The following CNTNAP2 variants were observed in gnomAD, a reference collection of about 807,000 sequenced individuals.
CNTNAP2 encodes contactin-associated protein-like 2.
CNTNAP2 carries 98 observed loss-of-function variants against 155.2 expected under a neutral mutation model. The ratio of observed to expected loss-of-function variants is 0.63; its 90% CI spans 0.54 to 0.75. CNTNAP2 has a LOEUF of 0.75. CNTNAP2 is among the 30% of genes least tolerant of loss of function. CNTNAP2 has a pLI of 0.00. For missense variants in CNTNAP2, 1,727 were observed against 1,688.1 expected (o/e 1.02, Z -0.40); for synonymous variants, 651 against 631.2 (o/e 1.03, Z -0.47).
chr7:147,355,678 G>A (rs1053571667), intron 9 of CNTNAP2, among the ~76,000 whole-genome samples: 3 of 152,148 alleles, frequency 2.0e-5, no homozygotes, highest in African/African-American at 4.8e-5. Context: ...AAATAAACTA[G>A]AAAATCTAGA....
chr7:148,134,296 G>A (rs1804892100), intron 16 of CNTNAP2, among the ~76,000 whole-genome samples: 1 of 152,154 alleles, frequency 6.6e-6, no homozygotes, highest in African/African-American at 2.4e-5. Context: ...TGTAACCAGA[G>A]CCAGTGAATA....
At chr7:146,651,796 C>T (rs1404045522) in intron 1 of CNTNAP2, among the ~76,000 whole-genome samples, 1 of 152,060 alleles carries the variant, frequency 6.6e-6, no homozygotes, top group East Asian at 1.9e-4. Context: ...GTCACCAATG[C>T]TATATATTAT....
intron 19 of CNTNAP2, among the ~76,000 whole-genome samples, chr7:148,228,597 G>A (rs1795900630): frequency 6.6e-6 from 1 of 151,842 alleles, no homozygotes; most frequent in African/African-American, 2.4e-5. Flanking sequence ...GCTGAGGCTG[G>A]CAGATGACGA....
intron 15 of CNTNAP2, among the ~76,000 whole-genome samples, chr7:148,014,592 C>T (rs2116909767): frequency 6.6e-6 from 1 of 152,270 alleles, no homozygotes; most frequent in South Asian, 2.1e-4. Flanking sequence ...CCAAATATTA[C>T]CAAAACAAAG....
At chr7:147,620,628 A>T (rs1801375171) in intron 12 of CNTNAP2, among the ~76,000 whole-genome samples, 1 of 151,904 alleles carries the variant, frequency 6.6e-6, no homozygotes. Flanking sequence ...GTCTTTTAAT[A>T]GCATAAGAGA....
rs1175150646 is a variant in CNTNAP2 at position 147,319,106 on chromosome 7, TTTC to T, written c.1498+18822_1498+18824del. 4.6e-5 allele frequency among the ~76,000 whole-genome samples: 7 copies of T among 152,240 alleles called. No homozygotes were observed. The East Asian group carries it at 1.2e-3, about 25-fold the overall frequency. ...ATTCATGTAACAAAAATTGTTGAGG[TTTC>T]TTCTTTTTTGTCATTGGTGAGTGGA... On this transcript the variant is annotated intron_variant, in intron 9 of 23. Coordinates refer to ENST00000361727, the MANE Select transcript of CNTNAP2 (RefSeq NM_014141.6).
rs186687177 is a variant in CNTNAP2, at chr7:147,185,192, A to G, written c.1348+52683A>G. On this transcript the variant is annotated intron_variant, in intron 8 of 23. Transcript: ENST00000361727. ...ACAAAATCCCAGGAAAATAGAAAGA[A>G]GTAATATAAATAAGAACATTAGATA... Among the ~76,000 whole-genome samples the G allele has an allele frequency of 2.9e-3, 442 of 152,320 alleles. 1 individual carries two copies. Among genetic ancestry groups the G allele is most frequent in the Non-Finnish European group, 4.7e-3 (320 of 68,016 alleles).
chr7:146,140,264 G>A (rs116485446), intron 1 of CNTNAP2, among the ~76,000 whole-genome samples: 2,255 of 152,154 alleles, frequency 0.015, 63 homozygotes, highest in African/African-American at 0.052. Flanking sequence ...GAAGTAGTAG[G>A]GTTCTTGCAC....
At chr7:148,140,669 G>T (rs557358456) in intron 16 of CNTNAP2, among the ~76,000 whole-genome samples, 2 of 151,986 alleles carry the variant, frequency 1.3e-5, no homozygotes, top group African/African-American at 2.4e-5. Context: ...TGATCCACCC[G>T]CCTCAGCATC....
At chr7:148,311,442 G>C (rs1005343183) in intron 21 of CNTNAP2, among the ~76,000 whole-genome samples, 1 of 150,906 alleles carries the variant, frequency 6.6e-6, no homozygotes, top group Admixed American at 6.6e-5. Flanking sequence ...GAGGGTGGCA[G>C]AGGAATGGGA....
chr7:146,945,341 C>T (rs906073620), intron 3 of CNTNAP2, among the ~76,000 whole-genome samples: 1 of 152,154 alleles, frequency 6.6e-6, no homozygotes, highest in Non-Finnish European at 1.5e-5. Flanking sequence ...ATTTTTGTAA[C>T]AGATTCTGAG....
At chr7:147,631,448 A>G (rs988422139) in intron 12 of CNTNAP2, among the ~76,000 whole-genome samples, 2 of 152,178 alleles carry the variant, frequency 1.3e-5, no homozygotes, top group Admixed American at 6.5e-5. Flanking sequence ...TCAAAGTACC[A>G]TCAATATTCT....
At chr7:148,284,486 T>C (rs1797046885) in intron 21 of CNTNAP2, among the ~76,000 whole-genome samples, 1 of 151,610 alleles carries the variant, frequency 6.6e-6, no homozygotes, top group Non-Finnish European at 1.5e-5. Context: ...CAGTCTCAGG[T>C]ACGTCTTTAT....
At chr7:146,298,369 A>AGCT (rs1800550033) in intron 1 of CNTNAP2, among the ~76,000 whole-genome samples, 1 of 152,230 alleles carries the variant, frequency 6.6e-6, no homozygotes, top group Non-Finnish European at 1.5e-5. Flanking sequence ...ACAGCAGCTT[A>AGCT]GCTCAAGAAA....
chr7:147,330,476 G>A (rs1795539896), intron 9 of CNTNAP2, among the ~76,000 whole-genome samples: 1 of 152,136 alleles, frequency 6.6e-6, no homozygotes, highest in African/African-American at 2.4e-5. Flanking sequence ...AAGATTTAAA[G>A]CTGGTTGGTC....
chr7:148,289,110 A>C (rs1387782053), intron 21 of CNTNAP2, among the ~76,000 whole-genome samples: 1 of 152,068 alleles, frequency 6.6e-6, no homozygotes, highest in Non-Finnish European at 1.5e-5. Flanking sequence ...TGCACCAGGC[A>C]CTCTAATAGG....
At position 146,822,214 on chromosome 7, in the gene CNTNAP2, C is replaced by T. The variant is rs543908198; in HGVS notation, c.209-17497C>T. 2.1e-4 allele frequency among the ~76,000 whole-genome samples: 32 copies of T among 152,056 alleles called. 1 individual carries two copies. In the East Asian group the frequency reaches 5.0e-3, roughly 24 times the overall value. ...GAAACCATCATTCTCAGCAAACTAT[C>T]GCAAGGACAAAAAACCCAACACCAC... On this transcript the variant is annotated intron_variant, in intron 2 of 23. Coordinates refer to ENST00000361727, the MANE Select transcript of CNTNAP2 (RefSeq NM_014141.6).
intron 1 of CNTNAP2, among the ~76,000 whole-genome samples, chr7:146,309,604 C>T (rs936297379): frequency 6.6e-6 from 1 of 152,004 alleles, no homozygotes; most frequent in Non-Finnish European, 1.5e-5. Flanking sequence ...GAGTTCGAGA[C>T]CAGCCTGGAC....
At chr7:147,169,588 A>G (rs552307862) in intron 8 of CNTNAP2, among the ~76,000 whole-genome samples, 2 of 147,466 alleles carry the variant, frequency 1.4e-5, no homozygotes, top group African/African-American at 2.5e-5. Flanking sequence ...AGCTCCATCC[A>G]TATTTCTGTA....
Sources: gnomAD v4.1 joint callset for allele counts (sites outside exome capture counted in the v4.1 genomes callset) on GRCh38, gnomAD v4.1.1 for gene constraint, MANE v1.5 for transcripts, NCBI Gene and HGNC (gene_info 2026-07-23, HGNC 2026-07-21) for gene names.